CEP43: variants seen among roughly 807,000 people sequenced by gnomAD.
The protein encoded by CEP43 is FGFR1 oncogene partner.
CEP43 carries 36 observed loss-of-function variants against 52.6 expected under a neutral mutation model. The ratio of observed to expected loss-of-function variants is 0.68; its 90% CI spans 0.52 to 0.90. The LOEUF (loss-of-function observed/expected upper bound fraction) is 0.90, where lower values mean the gene tolerates loss of function less well. Ranked by LOEUF, CEP43 falls within the 40% of genes least tolerant of loss-of-function variation. The probability of loss-of-function intolerance (pLI) is 0.00; values close to 1 mark genes in which losing one functional copy is unlikely to be tolerated. For synonymous variants in CEP43, 192 were observed against 172.4 expected, an observed-to-expected ratio of 1.11 and a Z score of -0.89; for missense variants, 506 against 472.8, an observed-to-expected ratio of 1.07 and a Z score of -0.65.
At chr6:167,019,739 C>T (rs192028417) in intron 7 of CEP43, among the ~76,000 whole-genome samples, 8 of 152,186 alleles carry the variant, frequency 5.3e-5, no homozygotes, top group African/African-American at 9.6e-5. Flanking sequence ...CTGTCTATAG[C>T]GGGAATATTG....
At chr6:167,013,396 A>G (rs539260729) in intron 6 of CEP43, 112 bp from the exon 7 acceptor site, 4 of 793,478 alleles carry the variant, frequency 5.0e-6, no homozygotes, top group Admixed American at 2.4e-5. Context: ...TATTAACTAG[A>G]TGTTCCACTT....
chr6:167,040,750 A>ATTCAGT lies in CEP43; in HGVS notation c.*772_*773insTTCAGT. ...TATCTGTAAAGATTCCTTGAAACTT[A>ATTCAGT]AATGCATCTGAAACCATTAAGCAGT... On this transcript the variant is annotated 3_prime_UTR_variant, in exon 13 of 13. Transcript: ENST00000366847. 6.5e-6 allele frequency: 6 copies of ATTCAGT among 916,342 alleles called. No homozygotes were observed. The highest frequency in any genetic ancestry group is 3.0e-5 in the African/African-American group (1 of 33,376). The allele number at this position is 916,342 out of a possible 1,614,324, so 56.8% of individuals were successfully genotyped here.
At chr6:167,019,816 T>C (rs1780185169) in intron 7 of CEP43, among the ~76,000 whole-genome samples, 1 of 152,180 alleles carries the variant, frequency 6.6e-6, no homozygotes, top group Admixed American at 6.5e-5. Flanking sequence ...TAGTTCATTA[T>C]GTGGATTTAA....
Position 167,049,830 on chromosome 6 carries a change from C to A in CEP43, c.*9852C>A, listed in dbSNP as rs1780846111. Reference sequence around the variant, plus strand: ...CTGCACCATTTTATATCCCTACCAGCAATGCATGAAGCTTCCAGTTTCTCC... The same window carrying A: ...CTGCACCATTTTATATCCCTACCAGAAATGCATGAAGCTTCCAGTTTCTCC... On this transcript the variant is annotated 3_prime_UTR_variant, in exon 13 of 13. Coordinates refer to ENST00000366847, the MANE Select transcript of CEP43 (RefSeq NM_007045.4). The A allele has an allele frequency of 6.6e-6, 1 of 152,206 alleles. No individual in the cohort carries two copies. Among genetic ancestry groups the A allele is most frequent in the South Asian group, 2.1e-4 (1 of 4,830 alleles). 9.4% of individuals were successfully genotyped at this position (152,206 alleles called of 1,614,324 possible).
chr6:167,007,337 T>C (rs981502970), intron 5 of CEP43, among the ~76,000 whole-genome samples: 19 of 152,172 alleles, frequency 1.2e-4, no homozygotes, highest in African/African-American at 3.6e-4. Context: ...AAGTTTGCCC[T>C]GACTTTTTCA....
intron 10 of CEP43, among the ~76,000 whole-genome samples, chr6:167,030,972 T>A (rs1161694117): frequency 2.0e-5 from 3 of 152,218 alleles, no homozygotes; most frequent in Admixed American, 6.5e-5. Flanking sequence ...ACTCCTTTTT[T>A]CTTCCTCCAC....
chr6:167,025,025 T>C (rs1268385497), intron 9 of CEP43, 131 bp downstream of exon 9: 2 of 625,754 alleles, frequency 3.2e-6, no homozygotes, highest in Non-Finnish European at 5.7e-6. Flanking sequence ...CTCAGAGATA[T>C]TTCCTGTTAA....
rs984707626 is a variant in CEP43 at position 167,044,597 on chromosome 6, G to A, written c.*4619G>A. The A allele has an allele frequency of 1.8e-5, 17 of 954,640 alleles. No individual in the cohort carries two copies. Among genetic ancestry groups the A allele is most frequent in the Non-Finnish European group, 2.0e-5 (16 of 802,152 alleles). The allele number at this position is 954,640 out of a possible 1,614,324, so 59.1% of individuals were successfully genotyped here. On this transcript the variant is annotated 3_prime_UTR_variant, in exon 13 of 13. Transcript: ENST00000366847. ...CTGAGGTAGGAGGGACAGCGTTTTT[G>A]AATGTGAAATTTATTCCCTGATACA...
rs575169412 is a variant in CEP43, at chr6:167,010,857, A to G, written c.483A>G (p.Pro161=). ...ATGTACATTCTCCACCAAAGTCACCAGAGGGAAAAACAAGTGCACAGACAA... is the reference window on the plus strand; with the variant it reads ...ATGTACATTCTCCACCAAAGTCACCGGAGGGAAAAACAAGTGCACAGACAA... ...LSDVHSPPKS[P]EGKTSAQTTP... is the part of the protein sequence containing the mutation. Residue 161 remains proline (P), a synonymous_variant, in exon 6 of 13, where the codon CCA becomes CCG. Transcript: ENST00000366847. 2 of 1,600,214 alleles carry G rather than the reference A, an allele frequency of 1.2e-6. No individual in the cohort carries two copies. Among genetic ancestry groups the G allele is most frequent in the East Asian group, 2.3e-5 (1 of 43,954 alleles).
chr6:167,003,851 T>A, intron 4 of CEP43, 40 bp downstream of exon 4: 1 of 1,189,426 alleles, frequency 8.4e-7, no homozygotes, highest in Non-Finnish European at 1.2e-6. Flanking sequence ...TTGAAACCTT[T>A]GATACAAATG....
chr6:167,014,331 A>G (rs568632065), intron 7 of CEP43, among the ~76,000 whole-genome samples: 1 of 152,224 alleles, frequency 6.6e-6, no homozygotes, highest in African/African-American at 2.4e-5. Flanking sequence ...CCCTGCTCAC[A>G]GTAGACTGCT....
chr6:167,016,552 G>A (rs550463984), intron 7 of CEP43, among the ~76,000 whole-genome samples: 26 of 152,264 alleles, frequency 1.7e-4, no homozygotes, highest in Non-Finnish European at 3.5e-4. Context: ...ATGAGCCACC[G>A]TGCCTGGCCC....
chr6:167,044,933 C>T lies in CEP43; in HGVS notation c.*4955C>T, dbSNP rs1780768489. 2 of 152,468 alleles carry T rather than the reference C, an allele frequency of 1.3e-5. No homozygotes were observed. The highest frequency in any genetic ancestry group is 2.9e-5 in the Non-Finnish European group (2 of 68,294). The allele number at this position is 152,468 out of a possible 1,614,324, so 9.4% of individuals were successfully genotyped here. On this transcript the variant is annotated 3_prime_UTR_variant, in exon 13 of 13. Coordinates refer to ENST00000366847, the MANE Select transcript of CEP43 (RefSeq NM_007045.4). ...ATGCCTGGGGCCTGAGCTTAGTGGGCCGGGTGGAGGCAGGAGGTACTGCAT... is the reference window on the plus strand; with the variant it reads ...ATGCCTGGGGCCTGAGCTTAGTGGGTCGGGTGGAGGCAGGAGGTACTGCAT...
At chr6:167,034,716 G>A (rs1291711332) in intron 12 of CEP43, among the ~76,000 whole-genome samples, 11 of 152,220 alleles carry the variant, frequency 7.2e-5, no homozygotes, top group Non-Finnish European at 1.5e-5. Flanking sequence ...ATCTAAGTCA[G>A]CAGCATCCGT....
At chr6:167,038,716 C>T (rs767202990) in intron 12 of CEP43, among the ~76,000 whole-genome samples, 7 of 152,182 alleles carry the variant, frequency 4.6e-5, no homozygotes, top group Non-Finnish European at 1.0e-4. Context: ...TTAGGCAAAT[C>T]GCTTCTCAAC....
chr6:167,021,077 AAAAAAAAAAG>A (rs1244862679), intron 7 of CEP43, among the ~76,000 whole-genome samples: 1 of 66,476 alleles, frequency 1.5e-5, no homozygotes, highest in Non-Finnish European at 5.0e-5. Context: ...AAAAAGAAAA[AAAAAAAAAAG>A]AAAAAAAAAT....
Position 167,041,987 on chromosome 6 carries a change from C to G in CEP43, c.*2009C>G. ...TACAGGTGCACACCACCACGCCCGGCTAATTTTTGTATTTTTAGTAGAGAT... is the reference window on the plus strand; with the variant it reads ...TACAGGTGCACACCACCACGCCCGGGTAATTTTTGTATTTTTAGTAGAGAT... On this transcript the variant is annotated 3_prime_UTR_variant, in exon 13 of 13. Coordinates refer to ENST00000366847, the MANE Select transcript of CEP43 (RefSeq NM_007045.4). 1 of 418,846 alleles carries G rather than the reference C, an allele frequency of 2.4e-6. No homozygotes were observed. The allele number at this position is 418,846 out of a possible 1,614,324, so 25.9% of individuals were successfully genotyped here. A position where few individuals can be genotyped will look rare whatever the true frequency, so the allele number is the denominator to read the frequency against.
rs988000072 is a variant in CEP43 at position 167,046,205 on chromosome 6, A to G, written c.*6227A>G. On this transcript the variant is annotated 3_prime_UTR_variant, in exon 13 of 13. Coordinates refer to ENST00000366847, the MANE Select transcript of CEP43 (RefSeq NM_007045.4). The stretch of plus-strand genomic sequence containing the variant: ...ATCTGAGCGTGAATTACATTCTCCA[A>G]TATTTTTATTTGTCATGATTTATTG... 16 of 152,052 alleles carry G rather than the reference A, an allele frequency of 1.1e-4. No homozygotes were observed. The highest frequency in any genetic ancestry group is 3.4e-3 in the Middle Eastern group (1 of 294). The allele number at this position is 152,052 out of a possible 1,614,324, so 9.4% of individuals were successfully genotyped here. A position where few individuals can be genotyped will look rare whatever the true frequency, so the allele number is the denominator to read the frequency against.
At chr6:167,027,109 G>C (rs1380486247) in intron 10 of CEP43, among the ~76,000 whole-genome samples, 2 of 152,198 alleles carry the variant, frequency 1.3e-5, no homozygotes, top group Admixed American at 1.3e-4. Flanking sequence ...ACATGGTCCA[G>C]GCCTCAGAGA....
Sources: gnomAD v4.1 joint callset for allele counts (sites outside exome capture counted in the v4.1 genomes callset) on GRCh38, gnomAD v4.1.1 for gene constraint, MANE v1.5 for transcripts, NCBI Gene and HGNC (gene_info 2026-07-23, HGNC 2026-07-21) for gene names.